Variants in DCLK2 observed in about 807,000 individuals in gnomAD.
The protein encoded by DCLK2 is serine/threonine-protein kinase DCLK2.
A neutral mutation model predicts 78.4 loss-of-function variants in DCLK2; 31 were observed. The observed-to-expected ratio is 0.40, with a 90% CI of 0.30 to 0.53. The LOEUF (loss-of-function observed/expected upper bound fraction) is 0.53, where lower values mean the gene tolerates loss of function less well. DCLK2 is among the 20% of genes least tolerant of loss of function. DCLK2 has a pLI of 0.61. For synonymous variants in DCLK2, 407 were observed against 374.9 expected, an observed-to-expected ratio of 1.09 and a Z score of -0.99; for missense variants, 872 against 973.7, an observed-to-expected ratio of 0.90 and a Z score of 1.39.
intron 11 of DCLK2, 64 bp from the exon 12 acceptor site, chr4:150,240,335 C>A: frequency 7.3e-7 from 1 of 1,375,650 alleles, no homozygotes; most frequent in Non-Finnish European, 1.0e-6. Flanking sequence ...GGCAATACTC[C>A]AGTACCATGG....
chr4:150,232,275 G>A, intron 8 of DCLK2, 62 bp from the exon 9 acceptor site: 2 of 1,577,836 alleles, frequency 1.3e-6, no homozygotes, highest in Non-Finnish European at 1.7e-6. Context: ...CTGTCCTCCA[G>A]GCCTTCGAGA....
At chr4:150,157,461 A>C (rs1040091839) in intron 2 of DCLK2, among the ~76,000 whole-genome samples, 5 of 150,842 alleles carry the variant, frequency 3.3e-5, no homozygotes, top group African/African-American at 1.2e-4. Flanking sequence ...TGCCCAGCTA[A>C]ATTTTGTATT....
chr4:150,129,893 A>G (rs1367601326), intron 2 of DCLK2, among the ~76,000 whole-genome samples: 1 of 152,104 alleles, frequency 6.6e-6, no homozygotes, highest in Non-Finnish European at 1.5e-5. Context: ...CCTAATCTCC[A>G]TTAATGATTT....
chr4:150,153,924 TC>T (rs34918483), intron 2 of DCLK2, among the ~76,000 whole-genome samples: 3 of 152,094 alleles, frequency 2.0e-5, no homozygotes, highest in African/African-American at 7.2e-5. Flanking sequence ...TTAAGGTGGT[TC>T]CAGCATAGGT....
rs1465713827 is a variant in DCLK2 at position 150,220,720 on chromosome 4, C to T, written c.1074C>T (p.Gly358=). 4.3e-6 allele frequency: 7 copies of T among 1,613,474 alleles called. No individual in the cohort carries two copies. Among genetic ancestry groups the T allele is most frequent in the Non-Finnish European group, 4.2e-6 (5 of 1,179,694 alleles). ...FRGLKQISAH[G]RSSSNVNGGP... ...TCTTTCAGCAGATTTCTGCTCATGG[C>T]AGATCTTCTTCCAATGTAAACGGTG... The change falls in exon 6 of 16, where the codon GGC becomes GGT. Residue 358 remains glycine, a synonymous_variant. Coordinates refer to ENST00000296550, the MANE Select transcript of DCLK2 (RefSeq NM_001040260.4).
intron 2 of DCLK2, among the ~76,000 whole-genome samples, chr4:150,182,137 T>G (rs1737577424): frequency 6.6e-6 from 1 of 151,992 alleles, no homozygotes. Context: ...AGCCTTGACC[T>G]CCCAGGCTCA....
intron 2 of DCLK2, 80 bp from the exon 3 acceptor site, chr4:150,193,058 T>C: frequency 2.3e-6 from 2 of 867,218 alleles, no homozygotes; most frequent in Non-Finnish European, 1.9e-6. Flanking sequence ...AAATTCAGGC[T>C]TAAAAATTCA....
At chr4:150,109,302 A>G (rs1731486879) in intron 2 of DCLK2, among the ~76,000 whole-genome samples, 1 of 151,662 alleles carries the variant, frequency 6.6e-6, no homozygotes, top group Non-Finnish European at 1.5e-5. Flanking sequence ...ATTTGGTTTT[A>G]ATTCTCACCC....
chr4:150,201,993 C>T (rs1331393384), intron 4 of DCLK2, among the ~76,000 whole-genome samples: 3 of 152,126 alleles, frequency 2.0e-5, no homozygotes, highest in Non-Finnish European at 4.4e-5. Context: ...TGCCTGCAGA[C>T]TTGCGTTGAC....
At chr4:150,179,193 AATTTTTTTGT>A (rs1737316440) in intron 2 of DCLK2, among the ~76,000 whole-genome samples, 1 of 151,968 alleles carries the variant, frequency 6.6e-6, no homozygotes, top group Non-Finnish European at 1.5e-5. Context: ...ATGCCTGGCT[AATTTTTTTGT>A]ATTTTTAGTA....
chr4:150,108,476 G>A (rs1400851438), intron 2 of DCLK2, among the ~76,000 whole-genome samples: 20 of 151,708 alleles, frequency 1.3e-4, no homozygotes, highest in Non-Finnish European at 1.5e-5. Context: ...CCCAGGAGGC[G>A]GAGCTTGCAG....
rs1287463126 is a variant in DCLK2 at position 150,078,854 on chromosome 4, G to C, written c.-174G>C. On this transcript the variant is annotated 5_prime_UTR_variant, in exon 1 of 16. Coordinates refer to ENST00000296550, the MANE Select transcript of DCLK2 (RefSeq NM_001040260.4). Reference sequence around the variant, plus strand: ...TGCGGACACTTTTAGCTGAGGGCGCGGGCGGGTCGGCTCCTCCGCGGCTCC... The same window carrying C: ...TGCGGACACTTTTAGCTGAGGGCGCCGGCGGGTCGGCTCCTCCGCGGCTCC... 3 of 756,402 alleles carry C rather than the reference G, an allele frequency of 4.0e-6. No homozygotes were observed. The highest frequency in any genetic ancestry group is 7.4e-5 in the Admixed American group (2 of 27,132). 46.9% of individuals were successfully genotyped at this position (756,402 alleles called of 1,614,324 possible).
intron 1 of DCLK2, among the ~76,000 whole-genome samples, chr4:150,095,373 TAAATC>T (rs1452030506): frequency 6.6e-6 from 1 of 152,262 alleles, no homozygotes; most frequent in African/African-American, 2.4e-5. Flanking sequence ...CTGTATGAAT[TAAATC>T]ATAGCACACA....
intron 5 of DCLK2, among the ~76,000 whole-genome samples, chr4:150,211,919 T>C (rs1740349237): frequency 6.6e-6 from 1 of 152,176 alleles, no homozygotes; most frequent in South Asian, 2.1e-4. Flanking sequence ...AGCATTTTCT[T>C]TGGGACAGAT....
At chr4:150,182,960 C>A (rs1394296826) in intron 2 of DCLK2, among the ~76,000 whole-genome samples, 1 of 151,084 alleles carries the variant, frequency 6.6e-6, no homozygotes, top group African/African-American at 2.4e-5. Flanking sequence ...GATTTTTGTT[C>A]TCTCTCTCTC....
At chr4:150,113,776 A>G (rs538625231) in intron 2 of DCLK2, among the ~76,000 whole-genome samples, 47 of 114,104 alleles carry the variant, frequency 4.1e-4, no homozygotes, top group Non-Finnish European at 6.5e-4. Context: ...TTTATTTTCT[A>G]TTTTCTTCTG....
chr4:150,166,205 C>T (rs1736059256), intron 2 of DCLK2, among the ~76,000 whole-genome samples: 1 of 152,130 alleles, frequency 6.6e-6, no homozygotes, highest in African/African-American at 2.4e-5. Context: ...AAAAATCTAA[C>T]ACGGCCAGGA....
intron 11 of DCLK2, 49 bp from the exon 12 acceptor site, chr4:150,240,350 G>T (rs6813035): frequency 0.96 from 1,476,574 of 1,544,662 alleles, 706,379 homozygotes; most frequent in South Asian, 0.98. Flanking sequence ...CCATGGAAGG[G>T]TCTTGGGAGC....
At chr4:150,217,475 A>G (rs1341997085) in intron 5 of DCLK2, among the ~76,000 whole-genome samples, 5 of 152,186 alleles carry the variant, frequency 3.3e-5, no homozygotes, top group Admixed American at 3.3e-4. Flanking sequence ...GCTGTAGCAA[A>G]ATGGCTCCCT....
Sources: allele counts gnomAD v4.1 joint callset (sites outside exome capture counted in the v4.1 genomes callset), GRCh38; gene constraint gnomAD v4.1.1; transcripts MANE v1.5; gene names NCBI Gene and HGNC (gene_info 2026-07-23, HGNC 2026-07-21).